Variants in CHCHD6 observed in about 807,000 individuals in gnomAD.
CHCHD6 encodes coiled-coil-helix-coiled-coil-helix domain containing 6.
CHCHD6 carries 28 observed loss-of-function variants against 32.3 expected under a neutral mutation model. The ratio of observed to expected loss-of-function variants is 0.87; its 90% confidence interval spans 0.64 to 1.19. CHCHD6 has a LOEUF of 1.19. CHCHD6 is among the 50% of genes most tolerant of loss of function. CHCHD6 has a pLI of 0.00. For synonymous variants in CHCHD6, 122 were observed against 117.5 expected (o/e 1.04, Z -0.25); for missense variants, 333 against 307.0 (o/e 1.08, Z -0.63).
chr3:126,863,282 CCAT>C (rs1188962865), intron 5 of CHCHD6, among the ~76,000 whole-genome samples: 8 of 143,654 alleles, frequency 5.6e-5, no homozygotes, highest in South Asian at 2.3e-4. Context: ...GCCTCCTCCA[CCAT>C]CATCACCACC....
At chr3:126,913,557 A>G (rs2078126531) in intron 5 of CHCHD6, among the ~76,000 whole-genome samples, 1 of 152,096 alleles carries the variant, frequency 6.6e-6, no homozygotes. Context: ...ACTGACCTTA[A>G]GCCAACTCCA....
chr3:126,800,366 G>T (rs1417782886), intron 4 of CHCHD6, among the ~76,000 whole-genome samples: 1 of 152,170 alleles, frequency 6.6e-6, no homozygotes. Flanking sequence ...AAAAGAGGTG[G>T]ATGGTTGGTG....
chr3:126,955,563 C>T lies in CHCHD6; in HGVS notation c.567-1853C>T, dbSNP rs553193942. ...AAGGGGAAGGCGTGCTCTCCCTTCA[C>T]ATCCTTTACCTTGGCGCTGGTGTGG... is the stretch of plus-strand genomic sequence containing the variant. On this transcript the variant is annotated intron_variant, in intron 6 of 7. Coordinates refer to ENST00000290913, the MANE Select transcript of CHCHD6 (RefSeq NM_032343.3). Among the ~76,000 whole-genome samples the T allele has an allele frequency of 4.6e-5, 7 of 152,344 alleles. No homozygotes were observed. The South Asian group carries it at 1.5e-3, about 32-fold the overall frequency.
intron 6 of CHCHD6, among the ~76,000 whole-genome samples, chr3:126,936,874 G>A (rs1309717290): frequency 6.6e-6 from 1 of 152,194 alleles, no homozygotes; most frequent in Non-Finnish European, 1.5e-5. Context: ...TTTTAATGTG[G>A]CTGCTAGAAA....
chr3:126,742,915 T>A (rs184715729), intron 4 of CHCHD6, among the ~76,000 whole-genome samples: 38 of 152,286 alleles, frequency 2.5e-4, no homozygotes, highest in African/African-American at 9.1e-4. Flanking sequence ...TTCCCTCAAC[T>A]GTTTCATACA....
intron 4 of CHCHD6, among the ~76,000 whole-genome samples, chr3:126,780,951 C>T (rs1390932066): frequency 6.6e-6 from 1 of 152,172 alleles, no homozygotes; most frequent in Non-Finnish European, 1.5e-5. Context: ...ATCCAGTCCT[C>T]ACATCAGCAC....
At chr3:126,902,210 G>A (rs930915071) in intron 5 of CHCHD6, among the ~76,000 whole-genome samples, 1 of 152,188 alleles carries the variant, frequency 6.6e-6, no homozygotes, top group Non-Finnish European at 1.5e-5. Flanking sequence ...CAGTAATCAG[G>A]GTCTCTGTGG....
rs60896630 is a variant in CHCHD6, at chr3:126,737,390, GTATATATATA to G, written c.411+4188_411+4197del. 7.4e-4 allele frequency among the ~76,000 whole-genome samples: 98 copies of G among 132,634 alleles called. 1 individual carries two copies. The highest frequency in any genetic ancestry group is 1.9e-3 in the East Asian group (8 of 4,316). 87.0% of individuals were successfully genotyped at this position (132,634 alleles called of 152,430 possible). On this transcript the variant is annotated intron_variant, in intron 4 of 7. Transcript: ENST00000290913. Reference sequence around the variant, plus strand: ...TCTTTTATTATTTTATGATGTGTGAGTATATATATATATATATATATATATATATGCACAC... The same window carrying G: ...TCTTTTATTATTTTATGATGTGTGAGTATATATATATATATATATGCACAC...
At chr3:126,942,451 C>G (rs2078573834) in intron 6 of CHCHD6, among the ~76,000 whole-genome samples, 1 of 152,138 alleles carries the variant, frequency 6.6e-6, no homozygotes. Flanking sequence ...GGAGGAGTTT[C>G]CCCTTCTCTC....
intron 6 of CHCHD6, among the ~76,000 whole-genome samples, chr3:126,917,172 C>A (rs1471095922): frequency 1.3e-5 from 2 of 152,184 alleles, no homozygotes; most frequent in African/African-American, 4.8e-5. Context: ...TTACAGCATC[C>A]CTTGATAATA....
chr3:126,737,304 G>A (rs1936087362), intron 4 of CHCHD6, among the ~76,000 whole-genome samples: 1 of 151,500 alleles, frequency 6.6e-6, no homozygotes, highest in Non-Finnish European at 1.5e-5. Flanking sequence ...GGGCGACACG[G>A]TGAGATTCCA....
chr3:126,833,189 G>C (rs1420814875), intron 4 of CHCHD6, among the ~76,000 whole-genome samples: 5 of 152,198 alleles, frequency 3.3e-5, no homozygotes, highest in Non-Finnish European at 7.3e-5. Context: ...GCTCAAAGCA[G>C]AGTAAAAGCC....
At chr3:126,799,743 A>G (rs1337665462) in intron 4 of CHCHD6, among the ~76,000 whole-genome samples, 2 of 152,194 alleles carry the variant, frequency 1.3e-5, no homozygotes, top group Non-Finnish European at 2.9e-5. Flanking sequence ...GTTAGGTGAG[A>G]AAGTCTAACA....
At chr3:126,844,845 G>A (rs1010952459) in intron 4 of CHCHD6, among the ~76,000 whole-genome samples, 7 of 152,272 alleles carry the variant, frequency 4.6e-5, no homozygotes, top group Middle Eastern at 6.8e-3. Flanking sequence ...AGGGAAGGGG[G>A]AAGGCAGGAG....
At chr3:126,768,942 C>T (rs1173220662) in intron 4 of CHCHD6, among the ~76,000 whole-genome samples, 1 of 152,164 alleles carries the variant, frequency 6.6e-6, no homozygotes, top group East Asian at 1.9e-4. Flanking sequence ...TATTAGACCT[C>T]TGTCAGATGT....
intron 4 of CHCHD6, among the ~76,000 whole-genome samples, chr3:126,772,832 A>G (rs968454514): frequency 2.6e-5 from 4 of 152,112 alleles, no homozygotes; most frequent in Non-Finnish European, 4.4e-5. Context: ...TCACTGGTCT[A>G]TGTACTTTGG....
At chr3:126,859,089 G>C (rs1403647071) in intron 5 of CHCHD6, among the ~76,000 whole-genome samples, 1 of 152,246 alleles carries the variant, frequency 6.6e-6, no homozygotes. Context: ...CAAGGGCTGA[G>C]GATGCAGTGC....
intron 4 of CHCHD6, among the ~76,000 whole-genome samples, chr3:126,765,811 A>G (rs892462808): frequency 1.3e-5 from 2 of 152,246 alleles, no homozygotes; most frequent in African/African-American, 4.8e-5. Context: ...GTAGATATAA[A>G]TGGCTAAACA....
At chr3:126,776,944 A>G (rs572315380) in intron 4 of CHCHD6, among the ~76,000 whole-genome samples, 3 of 152,198 alleles carry the variant, frequency 2.0e-5, no homozygotes, top group African/African-American at 7.2e-5. Context: ...CCAGAGCTGT[A>G]GGTGAAGACC....
Sources: allele counts gnomAD v4.1 joint callset (sites outside exome capture counted in the v4.1 genomes callset), GRCh38; gene constraint gnomAD v4.1.1; transcripts MANE v1.5; gene names NCBI Gene and HGNC (gene_info 2026-07-23, HGNC 2026-07-21).